The following CLMP variants were observed in gnomAD, a reference collection of about 807,000 sequenced individuals.
The protein encoded by CLMP is CXADR-like membrane protein.
In CLMP, 27 loss-of-function variants were observed where a neutral mutation model predicts 45.2. The observed-to-expected ratio is 0.60, with a 90% confidence interval of 0.44 to 0.82. The LOEUF is 0.82. CLMP is among the 40% of genes least tolerant of loss of function. CLMP has a pLI of 0.00. For synonymous variants in CLMP, 167 were observed against 171.4 expected, an observed-to-expected ratio of 0.97 and a Z score of 0.20; for missense variants, 403 against 448.4, an observed-to-expected ratio of 0.90 and a Z score of 0.91.
chr11:123,170,843 ACAGCTTAATAAC>A (rs1861623309), intron 1 of CLMP, among the ~76,000 whole-genome samples: 1 of 152,200 alleles, frequency 6.6e-6, no homozygotes, highest in Non-Finnish European at 1.5e-5. Flanking sequence ...CTCCTTGGTC[ACAGCTTAATAAC>A]CAGTTTCTTT....
chr11:123,129,359 ATATAT>A (rs1860948551), intron 1 of CLMP, among the ~76,000 whole-genome samples: 1 of 122,050 alleles, frequency 8.2e-6, no homozygotes, highest in Admixed American at 8.9e-5. Flanking sequence ...ATATCATATG[ATATAT>A]TATATAAAAT....
intron 1 of CLMP, among the ~76,000 whole-genome samples, chr11:123,180,064 T>C (rs908530093): frequency 3.9e-5 from 6 of 152,206 alleles, no homozygotes; most frequent in Non-Finnish European, 7.3e-5. Context: ...CATTAACTTA[T>C]GGAGCCAGCT....
chr11:123,130,091 AC>A (rs1860963667), intron 1 of CLMP, among the ~76,000 whole-genome samples: 2 of 152,174 alleles, frequency 1.3e-5, no homozygotes, highest in East Asian at 3.8e-4. Context: ...TTGAGTGGAA[AC>A]CTCTCTTCAT....
chr11:123,111,831 C>T (rs540228249), intron 1 of CLMP, among the ~76,000 whole-genome samples: 2 of 152,248 alleles, frequency 1.3e-5, no homozygotes, highest in South Asian at 2.1e-4. Flanking sequence ...GAAATAGAAA[C>T]GTACACTACT....
At chr11:123,160,203 C>T (rs1280070711) in intron 1 of CLMP, among the ~76,000 whole-genome samples, 1 of 143,282 alleles carries the variant, frequency 7.0e-6, no homozygotes. Context: ...TCACTTGAAC[C>T]CGGGAGGCAA....
At position 123,104,188 on chromosome 11, in the gene CLMP, T is replaced by C. The variant is rs573579715; in HGVS notation, c.29-6236A>G. On this transcript the variant is annotated intron_variant, in intron 1 of 6. Transcript: ENST00000448775. ...TCTCCCTCTGTAGCCCAGGCTGGAG[T>C]GCAGTGCTGTGATCTCGGGTTCATG... Among the ~76,000 whole-genome samples, 8 of 135,870 alleles carry C rather than the reference T, an allele frequency of 5.9e-5. No homozygotes were observed. The South Asian group carries it at 1.2e-3, about 20-fold the overall frequency. 89.1% of individuals were successfully genotyped at this position (135,870 alleles called of 152,430 possible). A position where few individuals can be genotyped will look rare whatever the true frequency, so the allele number is the denominator to read the frequency against.
At chr11:123,170,759 C>T (rs764997024) in intron 1 of CLMP, among the ~76,000 whole-genome samples, 1 of 152,166 alleles carries the variant, frequency 6.6e-6, no homozygotes, top group Admixed American at 6.5e-5. Flanking sequence ...CTTTTTCTTG[C>T]TGCTGTGAGG....
chr11:123,191,970 A>C (rs1200991073), intron 1 of CLMP, among the ~76,000 whole-genome samples: 2 of 152,182 alleles, frequency 1.3e-5, no homozygotes, highest in African/African-American at 4.8e-5. Flanking sequence ...TACTCAAAAG[A>C]AAAAAAGTAT....
chr11:123,084,446 T>C, intron 3 of CLMP, 66 bp downstream of exon 3: 2 of 1,331,316 alleles, frequency 1.5e-6, no homozygotes, highest in South Asian at 1.2e-5. Flanking sequence ...CCGTGATGCA[T>C]ATGGCTATCC....
chr11:123,096,762 G>A (rs996933322), intron 2 of CLMP, among the ~76,000 whole-genome samples: 12 of 152,154 alleles, frequency 7.9e-5, no homozygotes, highest in African/African-American at 2.7e-4. Context: ...AATTAGTGGT[G>A]TAGACAGAGA....
At chr11:123,111,300 T>C (rs1860634448) in intron 1 of CLMP, among the ~76,000 whole-genome samples, 1 of 152,070 alleles carries the variant, frequency 6.6e-6, no homozygotes, top group Non-Finnish European at 1.5e-5. Flanking sequence ...CCAGCTCATT[T>C]TTGTGTTTTT....
chr11:123,134,202 G>A (rs1591471770), intron 1 of CLMP, among the ~76,000 whole-genome samples: 1 of 151,776 alleles, frequency 6.6e-6, no homozygotes, highest in Non-Finnish European at 1.5e-5. Flanking sequence ...GGAGGTTGCA[G>A]TGAGCCGAGA....
chr11:123,173,135 A>G, intron 1 of CLMP, among the ~76,000 whole-genome samples: 1 of 152,222 alleles, frequency 6.6e-6, no homozygotes, highest in East Asian at 1.9e-4. Context: ...AAAAGCAGAT[A>G]TGGTTTGCTT....
chr11:123,114,894 G>A (rs1860699272), intron 1 of CLMP, among the ~76,000 whole-genome samples: 1 of 152,114 alleles, frequency 6.6e-6, no homozygotes, highest in South Asian at 2.1e-4. Flanking sequence ...GAGGAATTGA[G>A]CCACTATTCT....
chr11:123,162,794 T>TG (rs1861504327), intron 1 of CLMP, among the ~76,000 whole-genome samples: 1 of 150,084 alleles, frequency 6.7e-6, no homozygotes, highest in Non-Finnish European at 1.5e-5. Flanking sequence ...CCCAGCTGCT[T>TG]GGGGGGCTGA....
chr11:123,082,009 A>G (rs1265350831), intron 5 of CLMP, among the ~76,000 whole-genome samples: 1 of 152,206 alleles, frequency 6.6e-6, no homozygotes, highest in Non-Finnish European at 1.5e-5. Context: ...TCCACGGCTG[A>G]TGCTCTTAGT....
intron 1 of CLMP, among the ~76,000 whole-genome samples, chr11:123,159,789 G>C (rs1861460430): frequency 6.6e-6 from 1 of 152,126 alleles, no homozygotes; most frequent in African/African-American, 2.4e-5. Context: ...ATTAATAGTT[G>C]TTGCTTTAAA....
intron 1 of CLMP, among the ~76,000 whole-genome samples, chr11:123,174,066 G>C (rs921208364): frequency 6.6e-6 from 1 of 152,084 alleles, no homozygotes; most frequent in Admixed American, 6.5e-5. Context: ...CTGGGCAACA[G>C]GTGGGACCCT....
intron 1 of CLMP, among the ~76,000 whole-genome samples, chr11:123,112,478 C>T (rs1361663885): frequency 6.6e-6 from 1 of 151,508 alleles, no homozygotes; most frequent in Non-Finnish European, 1.5e-5. Flanking sequence ...GCTGGGATTA[C>T]AGGTGCCCGC....
Sources: gnomAD v4.1 joint callset for allele counts (sites outside exome capture counted in the v4.1 genomes callset) on GRCh38, gnomAD v4.1.1 for gene constraint, MANE v1.5 for transcripts, NCBI Gene and HGNC (gene_info 2026-07-23, HGNC 2026-07-21) for gene names.